The following POLR2F variants were observed in gnomAD, a reference collection of about 807,000 sequenced individuals.
POLR2F encodes the protein DNA-directed RNA polymerases I, II, and III subunit RPABC2.
A neutral mutation model predicts 22.7 loss-of-function variants in POLR2F; 12 were observed. That is an observed-to-expected ratio of 0.53 (90% CI 0.34 to 0.86). POLR2F has a LOEUF of 0.86. Among genes scored for constraint, POLR2F ranks in the 40% least tolerant of loss-of-function variants. The pLI is 0.02. For synonymous variants in POLR2F, 57 were observed against 66.0 expected (o/e 0.86, Z 0.66); for missense variants, 126 against 171.5 (o/e 0.73, Z 1.48).
downstream of POLR2F, chr22:37,973,609 C>A (rs201755707): frequency 3.1e-6 from 5 of 1,613,476 alleles, no homozygotes; most frequent in East Asian, 8.9e-5. Flanking sequence ...GCTGCGAGGG[C>A]CCCATATAGG....
chr22:37,987,073 T>C (rs556605768), intron 1 of POLR2F: 1 of 456,600 alleles, frequency 2.2e-6, no homozygotes, highest in South Asian at 1.5e-5. Flanking sequence ...CCCCATCACC[T>C]CTCTGTCCTG....
At chr22:37,972,171 A>AGG, downstream of POLR2F, 1 of 852,256 alleles carries the variant, frequency 1.2e-6, no homozygotes, top group Non-Finnish European at 1.7e-6. Context: ...GTGGGGAAAG[A>AGG]GGGAGGGAGG....
intron 3 of POLR2F, 112 bp from the exon 4 acceptor site, chr22:37,966,987 C>T: frequency 1.4e-6 from 1 of 728,110 alleles, no homozygotes; most frequent in Non-Finnish European, 2.3e-6. Flanking sequence ...GCCTGCCTAC[C>T]TAGAAGATGA....
At chr22:38,041,218 A>G, downstream of POLR2F, 4 of 1,493,652 alleles carry the variant, frequency 2.7e-6, no homozygotes, top group Admixed American at 3.5e-5. Context: ...ATGTGAGGAC[A>G]CGGTCTAGAC....
intron 1 of POLR2F, among the ~76,000 whole-genome samples, chr22:38,022,368 A>G (rs530077620): frequency 8.9e-4 from 135 of 152,040 alleles, no homozygotes; most frequent in African/African-American, 3.0e-3. Context: ...CCTGACCAAC[A>G]TGGTGAAACC....
downstream of POLR2F, among the ~76,000 whole-genome samples, chr22:37,969,966 TAGAC>T (rs1379862970): frequency 1.3e-5 from 2 of 152,122 alleles, no homozygotes; most frequent in African/African-American, 4.8e-5. Context: ...GTGATGTAAT[TAGAC>T]AGTTTTAGAA....
chr22:37,977,263 C>G (rs548794662), intron 4 of POLR2F, among the ~76,000 whole-genome samples: 1 of 151,804 alleles, frequency 6.6e-6, no homozygotes, highest in Non-Finnish European at 1.5e-5. Context: ...CTGTCTTCTC[C>G]CCCTTTACTT....
chr22:38,038,525 G>A (rs575617206), intron 5 of POLR2F, among the ~76,000 whole-genome samples: 1 of 152,222 alleles, frequency 6.6e-6, no homozygotes, highest in African/African-American at 2.4e-5. Context: ...GGCGTTGAGT[G>A]TGCCCTCGCT....
rs1932591151 is a variant in POLR2F at position 37,986,703 on chromosome 22, A to C, written c.120+391A>C. ...TGTTGGGTGAGGCAGGTGGGCCTGC[A>C]GGGCGGGTGGGAAGGGCTGTCAGAT... is the stretch of plus-strand genomic sequence containing the variant. On this transcript the variant is annotated intron_variant, in intron 1 of 2. Transcript: ENST00000333418. The surrounding 1 kb of genome is among the most constrained non-coding windows in gnomAD (Gnocchi z 4.7). 2 of 471,970 alleles carry C rather than the reference A, an allele frequency of 4.2e-6. No individual in the cohort carries two copies. The highest frequency in any genetic ancestry group is 1.3e-4 in the East Asian group (2 of 15,540). The allele number at this position is 471,970 out of a possible 1,614,324, so 29.2% of individuals were successfully genotyped here. A position where few individuals can be genotyped will look rare whatever the true frequency, so the allele number is the denominator to read the frequency against.
chr22:38,026,120 C>A (rs1390804895), exon 2 of POLR2F: 1 of 533,680 alleles, frequency 1.9e-6, no homozygotes, highest in Non-Finnish European at 3.8e-6. Context: ...TCCCCCACTG[C>A]CCCAGAAGGC....
intron 1 of POLR2F, among the ~76,000 whole-genome samples, chr22:38,001,447 A>C (rs1415066141): frequency 6.6e-6 from 1 of 152,166 alleles, no homozygotes; most frequent in African/African-American, 2.4e-5. Context: ...GAATTTACGA[A>C]TTTATTCATT....
intron 4 of POLR2F, chr22:37,977,994 G>A (rs756120041): frequency 1.2e-6 from 2 of 1,611,838 alleles, no homozygotes; most frequent in Middle Eastern, 1.7e-4. Context: ...CCCCACCGGG[G>A]CACTCCGCCT....
Position 37,969,125 on chromosome 22 carries a change from G to C in POLR2F, c.*1410G>C. On this transcript the variant is annotated 3_prime_UTR_variant, in exon 5 of 5. Transcript: ENST00000442738. ...ATCAGATGTGATTAAAGGGAGATGG[G>C]GTTTGGGCTGGGGAGGAGGGGAATT... 3 of 985,440 alleles carry C rather than the reference G, an allele frequency of 3.0e-6. No individual in the cohort carries two copies. In the South Asian group the frequency reaches 1.4e-4, roughly 46 times the overall value. The allele number at this position is 985,440 out of a possible 1,614,324, so 61.0% of individuals were successfully genotyped here. A position where few individuals can be genotyped will look rare whatever the true frequency, so the allele number is the denominator to read the frequency against.
Sources: gnomAD v4.1 joint callset for allele counts (sites outside exome capture counted in the v4.1 genomes callset) on GRCh38, gnomAD v4.1.1 for gene constraint, Gnocchi (gnomAD v3.1) non-coding constraint, MANE v1.5 for transcripts, NCBI Gene and HGNC (gene_info 2026-07-23, HGNC 2026-07-21) for gene names.